The following KCNIP4 variants were observed in gnomAD, a reference collection of about 807,000 sequenced individuals.
KCNIP4 encodes Kv channel-interacting protein 4.
In KCNIP4, 12 loss-of-function variants were observed where a neutral mutation model predicts 34.0. The ratio of observed to expected loss-of-function variants is 0.35; its 90% CI spans 0.23 to 0.57. KCNIP4 has a LOEUF of 0.57. KCNIP4 is among the 20% of genes least tolerant of loss of function. The pLI is 0.83. For missense variants in KCNIP4, 238 were observed against 311.7 expected (o/e 0.76, Z 1.78); for synonymous variants, 124 against 102.2 (o/e 1.21, Z -1.29).
At chr4:21,815,813 C>G (rs567988373) in intron 1 of KCNIP4, among the ~76,000 whole-genome samples, 1 of 152,288 alleles carries the variant, frequency 6.6e-6, no homozygotes, top group East Asian at 1.9e-4. Flanking sequence ...AGCATATTAT[C>G]TTCTCCCCAT....
At chr4:20,756,356 T>TC (rs1227697710) in intron 4 of KCNIP4, among the ~76,000 whole-genome samples, 4 of 152,170 alleles carry the variant, frequency 2.6e-5, no homozygotes, top group Non-Finnish European at 2.9e-5. Flanking sequence ...CACTATCCCA[T>TC]CGCATCACTA....
intron 1 of KCNIP4, among the ~76,000 whole-genome samples, chr4:20,917,730 T>C (rs751006590): frequency 6.6e-6 from 1 of 152,158 alleles, no homozygotes; most frequent in Admixed American, 6.5e-5. Flanking sequence ...TGGTGGCTCA[T>C]GCCTGTAATC....
Position 21,578,511 on chromosome 4 carries a change from G to A in KCNIP4, c.61+370060C>T, listed in dbSNP as rs535029910. 1.5e-3 allele frequency among the ~76,000 whole-genome samples: 229 copies of A among 152,028 alleles called. 1 individual carries two copies. Among genetic ancestry groups the A allele is most frequent in the Non-Finnish European group, 2.5e-3 (170 of 67,986 alleles). On this transcript the variant is annotated intron_variant, in intron 1 of 8. Transcript: ENST00000382152. ...TTAACAAAGGAGAAAAAGAAAAACGGAGCAGGAGAGAGAAAATAAGAGAGA... is the reference window on the plus strand; with the variant it reads ...TTAACAAAGGAGAAAAAGAAAAACGAAGCAGGAGAGAGAAAATAAGAGAGA...
intron 1 of KCNIP4, among the ~76,000 whole-genome samples, chr4:21,517,934 G>A (rs1430876391): frequency 2.0e-5 from 3 of 152,018 alleles, no homozygotes; most frequent in Admixed American, 6.6e-5. Flanking sequence ...CTATGTGGAT[G>A]TTATCCTATT....
At chr4:21,326,073 G>T (rs954502451) in intron 1 of KCNIP4, among the ~76,000 whole-genome samples, 2 of 151,756 alleles carry the variant, frequency 1.3e-5, no homozygotes, top group Non-Finnish European at 3.0e-5. Context: ...TTCTGCAGCT[G>T]GTAGAGATAA....
chr4:21,723,323 G>A (rs1714960733), intron 1 of KCNIP4, among the ~76,000 whole-genome samples: 1 of 152,124 alleles, frequency 6.6e-6, no homozygotes, highest in Non-Finnish European at 1.5e-5. Context: ...GAAAAGAAGA[G>A]CTTTTAGAGA....
At chr4:21,601,913 T>C (rs1271582728) in intron 1 of KCNIP4, among the ~76,000 whole-genome samples, 1 of 152,138 alleles carries the variant, frequency 6.6e-6, no homozygotes, top group East Asian at 1.9e-4. Context: ...ACGCTAAGTG[T>C]CCTCCCCATA....
At chr4:21,081,454 A>G (rs575192620) in intron 1 of KCNIP4, among the ~76,000 whole-genome samples, 3 of 151,898 alleles carry the variant, frequency 2.0e-5, no homozygotes, top group South Asian at 2.1e-4. Context: ...GTGAAACTCA[A>G]TTAAGGTCAA....
intron 1 of KCNIP4, among the ~76,000 whole-genome samples, chr4:21,095,998 C>A (rs895180195): frequency 5.3e-5 from 8 of 152,072 alleles, no homozygotes; most frequent in African/African-American, 1.9e-4. Flanking sequence ...CATGTGGTTA[C>A]AAATTTGAAT....
intron 1 of KCNIP4, among the ~76,000 whole-genome samples, chr4:21,181,449 G>A (rs1754835724): frequency 1.3e-5 from 2 of 152,060 alleles, no homozygotes; most frequent in African/African-American, 4.8e-5. Flanking sequence ...TCTACTATAG[G>A]TGGGAGTATC....
chr4:20,798,871 C>T (rs1713847293), intron 3 of KCNIP4, among the ~76,000 whole-genome samples: 3 of 152,202 alleles, frequency 2.0e-5, no homozygotes, highest in Admixed American at 2.0e-4. Context: ...CCTAGAGTCA[C>T]ATGCTGAGCT....
At chr4:21,320,908 C>G (rs1714311297) in intron 1 of KCNIP4, among the ~76,000 whole-genome samples, 1 of 139,000 alleles carries the variant, frequency 7.2e-6, no homozygotes, top group Non-Finnish European at 1.5e-5. Flanking sequence ...GAGGTTGCAA[C>G]AAACTGAGAT....
intron 1 of KCNIP4, among the ~76,000 whole-genome samples, chr4:21,753,697 G>A (rs913559203): frequency 1.3e-5 from 2 of 152,208 alleles, no homozygotes; most frequent in Admixed American, 6.5e-5. Context: ...ACTCGTCTTC[G>A]AATCTCAAGC....
intron 1 of KCNIP4, among the ~76,000 whole-genome samples, chr4:21,348,450 G>A (rs1263873471): frequency 6.6e-6 from 1 of 152,152 alleles, no homozygotes; most frequent in Non-Finnish European, 1.5e-5. Flanking sequence ...TGCTCCTACA[G>A]CATAGGGAAT....
intron 1 of KCNIP4, among the ~76,000 whole-genome samples, chr4:21,623,463 G>A (rs1239993295): frequency 3.9e-5 from 6 of 152,150 alleles, no homozygotes; most frequent in Admixed American, 3.9e-4. Context: ...AATATTGAAT[G>A]GAATGGTTTC....
At chr4:21,919,184 A>G (rs891936919) in intron 1 of KCNIP4, among the ~76,000 whole-genome samples, 4 of 152,198 alleles carry the variant, frequency 2.6e-5, no homozygotes, top group African/African-American at 7.2e-5. Context: ...TGCAGATTGT[A>G]GACTATAGCG....
At chr4:20,746,058 C>T (rs1392791475) in intron 5 of KCNIP4, among the ~76,000 whole-genome samples, 1 of 152,162 alleles carries the variant, frequency 6.6e-6, no homozygotes, top group East Asian at 1.9e-4. Context: ...AATCATTCTA[C>T]TATAAAGACA....
chr4:21,668,492 T>G (rs2109003076), intron 1 of KCNIP4, among the ~76,000 whole-genome samples: 1 of 152,304 alleles, frequency 6.6e-6, no homozygotes, highest in Non-Finnish European at 1.5e-5. Context: ...TAAAAGCGGG[T>G]ATAAAACTGA....
chr4:21,233,038 G>C (rs561447799), intron 1 of KCNIP4, among the ~76,000 whole-genome samples: 1 of 152,266 alleles, frequency 6.6e-6, no homozygotes, highest in South Asian at 2.1e-4. Flanking sequence ...ATTCCAGTGA[G>C]AGGGACAATA....
Sources: allele counts gnomAD v4.1 joint callset (sites outside exome capture counted in the v4.1 genomes callset), GRCh38; gene constraint gnomAD v4.1.1; transcripts MANE v1.5; gene names NCBI Gene and HGNC (gene_info 2026-07-23, HGNC 2026-07-21).